Variants in WDPCP observed in about 807,000 individuals in gnomAD.
The protein encoded by WDPCP is WD repeat-containing and planar cell polarity effector protein fritz homolog.
WDPCP carries 71 observed loss-of-function variants against 93.1 expected under a neutral mutation model. The ratio of observed to expected loss-of-function variants is 0.76; its 90% CI spans 0.63 to 0.93. The LOEUF (loss-of-function observed/expected upper bound fraction) is 0.93. WDPCP is among the 40% of genes least tolerant of loss of function. The probability of loss-of-function intolerance (pLI) is 0.00; values close to 1 mark genes in which losing one functional copy is unlikely to be tolerated. For synonymous variants in WDPCP, 315 were observed against 315.0 expected, an observed-to-expected ratio of 1.00 and a Z score of 0.00; for missense variants, 844 against 887.4, an observed-to-expected ratio of 0.95 and a Z score of 0.62.
At chr2:63,262,138 G>C (rs539061818) in intron 13 of WDPCP, among the ~76,000 whole-genome samples, 1 of 152,000 alleles carries the variant, frequency 6.6e-6, no homozygotes, top group South Asian at 2.1e-4. Flanking sequence ...TTGTTTACTT[G>C]GACTGCCCTT....
chr2:63,819,996 G>GT (rs551021359), intron 1 of WDPCP, among the ~76,000 whole-genome samples: 11 of 152,176 alleles, frequency 7.2e-5, no homozygotes, highest in Non-Finnish European at 1.6e-4. Flanking sequence ...AGTTGCTCCA[G>GT]TAAGGAACTG....
At chr2:63,320,106 G>C (rs746225145) in intron 12 of WDPCP, among the ~76,000 whole-genome samples, 2 of 152,018 alleles carry the variant, frequency 1.3e-5, no homozygotes, top group Non-Finnish European at 2.9e-5. Context: ...GTTAAAAATT[G>C]ATAAACTAAA....
chr2:63,479,342 A>T (rs2105875901), intron 6 of WDPCP, among the ~76,000 whole-genome samples: 1 of 152,288 alleles, frequency 6.6e-6, no homozygotes. Flanking sequence ...CTATGAAGCC[A>T]GTATCACCCT....
At chr2:63,660,019 A>G (rs1710208865) in intron 2 of WDPCP, among the ~76,000 whole-genome samples, 1 of 152,094 alleles carries the variant, frequency 6.6e-6, no homozygotes, top group East Asian at 1.9e-4. Flanking sequence ...ATCTCTTTTT[A>G]GATTATTTTT....
intron 12 of WDPCP, among the ~76,000 whole-genome samples, chr2:63,370,924 C>T (rs1199832681): frequency 2.0e-5 from 3 of 151,366 alleles, no homozygotes; most frequent in Admixed American, 6.6e-5. Flanking sequence ...TTCCTTCTTT[C>T]TTCAGATTTA....
intron 12 of WDPCP, among the ~76,000 whole-genome samples, chr2:63,335,425 G>T (rs1033720931): frequency 2.4e-4 from 16 of 67,498 alleles, no homozygotes; most frequent in African/African-American, 1.0e-3. Flanking sequence ...TAGAATGAAA[G>T]ATTTTTTTTT....
intron 17 of WDPCP, among the ~76,000 whole-genome samples, chr2:63,148,516 T>C (rs1671675795): frequency 6.6e-6 from 1 of 152,140 alleles, no homozygotes; most frequent in Non-Finnish European, 1.5e-5. Flanking sequence ...TATTTGTTTT[T>C]GTTTTTGTTT....
At chr2:63,180,443 CTTTCTG>C (rs1402039048) in intron 14 of WDPCP, among the ~76,000 whole-genome samples, 6 of 152,134 alleles carry the variant, frequency 3.9e-5, no homozygotes, top group Non-Finnish European at 8.8e-5. Context: ...TGGTGTTTGA[CTTTCTG>C]TTTCTGAGTT....
At chr2:63,544,705 T>A (rs1447478925) in intron 1 of WDPCP, among the ~76,000 whole-genome samples, 1 of 152,156 alleles carries the variant, frequency 6.6e-6, no homozygotes, top group Non-Finnish European at 1.5e-5. Context: ...TCACTCAGAA[T>A]CATATTTTAA....
At chr2:63,729,347 A>G (rs1575759700) in intron 2 of WDPCP, among the ~76,000 whole-genome samples, 1 of 152,228 alleles carries the variant, frequency 6.6e-6, no homozygotes, top group Admixed American at 6.5e-5. Flanking sequence ...AAAAAAATAT[A>G]TTTTAATTCC....
chr2:63,282,667 C>A (rs1317995104), intron 13 of WDPCP, among the ~76,000 whole-genome samples: 3 of 152,170 alleles, frequency 2.0e-5, no homozygotes, highest in Admixed American at 2.0e-4. Context: ...CAGCCATATA[C>A]ATTTTTACAT....
chr2:63,738,449 G>A (rs1275326816), intron 2 of WDPCP, among the ~76,000 whole-genome samples: 1 of 151,774 alleles, frequency 6.6e-6, no homozygotes, highest in Non-Finnish European at 1.5e-5. Flanking sequence ...ACATAGATCT[G>A]CTTGATATCA....
chr2:63,628,378 TATA>T (rs1189491329), intron 3 of WDPCP, among the ~76,000 whole-genome samples: 7 of 152,210 alleles, frequency 4.6e-5, no homozygotes, highest in Admixed American at 3.3e-4. Context: ...ATCTTTTTTG[TATA>T]ATATCAAATA....
At chr2:63,565,046 G>T (rs1381660116) in intron 1 of WDPCP, among the ~76,000 whole-genome samples, 1 of 152,140 alleles carries the variant, frequency 6.6e-6, no homozygotes, top group Non-Finnish European at 1.5e-5. Flanking sequence ...AAGGTGCTGG[G>T]ATTACAGGCG....
chr2:63,134,437 A>G (rs78171200), intron 17 of WDPCP, among the ~76,000 whole-genome samples: 2,078 of 152,350 alleles, frequency 0.014, 47 homozygotes, highest in African/African-American at 0.048. Flanking sequence ...ACAGAATGCC[A>G]GAAAAGTATT....
chr2:63,512,650 C>G (rs1243423657), intron 1 of WDPCP, among the ~76,000 whole-genome samples: 1 of 151,988 alleles, frequency 6.6e-6, no homozygotes, highest in Non-Finnish European at 1.5e-5. Flanking sequence ...CAAAAGAAAA[C>G]CAAACACCTC....
intron 2 of WDPCP, among the ~76,000 whole-genome samples, chr2:63,679,001 AT>A (rs1558882302): frequency 6.6e-6 from 1 of 152,294 alleles, no homozygotes; most frequent in South Asian, 2.1e-4. Flanking sequence ...TCTAGGATTT[AT>A]TTTTGAAGAC....
At chr2:63,646,885 T>A (rs2166496) in intron 3 of WDPCP, among the ~76,000 whole-genome samples, 40,546 of 151,904 alleles carry the variant, frequency 0.27, 6,608 homozygotes, top group African/African-American at 0.45. Flanking sequence ...CTTGAGGTAG[T>A]CTTCTTTGGG....
At chr2:63,708,053 C>A (rs1324525080) in intron 2 of WDPCP, among the ~76,000 whole-genome samples, 1 of 152,190 alleles carries the variant, frequency 6.6e-6, no homozygotes. Flanking sequence ...GGGTGCCTCC[C>A]AGTTAGGCTA....
Sources: allele counts gnomAD v4.1 joint callset (sites outside exome capture counted in the v4.1 genomes callset), GRCh38; gene constraint gnomAD v4.1.1; transcripts MANE v1.5; gene names NCBI Gene and HGNC (gene_info 2026-07-23, HGNC 2026-07-21).